The following LSM11 variants were observed in gnomAD, a reference collection of about 807,000 sequenced individuals.
The protein encoded by LSM11 is U7 snRNA-associated Sm-like protein LSm11.
A neutral mutation model predicts 28.1 loss-of-function variants in LSM11; 14 were observed. That is an observed-to-expected ratio of 0.50 (90% confidence interval 0.33 to 0.78). The LOEUF (loss-of-function observed/expected upper bound fraction) is 0.78, where lower values mean the gene tolerates loss of function less well. Ranked by LOEUF, LSM11 falls within the 30% of genes least tolerant of loss-of-function variation. The probability of loss-of-function intolerance (pLI) is 0.02; values close to 1 mark genes in which losing one functional copy is unlikely to be tolerated. For missense variants in LSM11, 495 were observed against 510.6 expected, an observed-to-expected ratio of 0.97 and a Z score of 0.30; for synonymous variants, 207 against 214.2, an observed-to-expected ratio of 0.97 and a Z score of 0.30.
At position 157,744,147 on chromosome 5, in the gene LSM11, G is replaced by GGTCC; in HGVS notation, c.399_402dup (p.Gly135SerfsTer25). 6.9e-7 allele frequency: 1 copy of GGTCC among 1,442,366 alleles called. No individual in the cohort carries two copies. The highest frequency in any genetic ancestry group is 9.1e-7 in the Non-Finnish European group (1 of 1,099,074). 89.3% of individuals were successfully genotyped at this position (1,442,366 alleles called of 1,614,324 possible). A position where few individuals can be genotyped will look rare whatever the true frequency, so the allele number is the denominator to read the frequency against. ...CGGGGCCGCAGGAGCGGGCCGGAGG[G>GGTCC]GTCCGGGTCGGAGCAGGAAGGCGCC... On this transcript the variant is annotated frameshift_variant, in exon 1 of 4. Transcript: ENST00000286307. LOFTEE classifies it high-confidence loss of function.
chr5:157,750,593 A>G (rs1211001240), intron 1 of LSM11, among the ~76,000 whole-genome samples: 1 of 152,206 alleles, frequency 6.6e-6, no homozygotes, highest in African/African-American at 2.4e-5. Context: ...GGTGGGGTCA[A>G]AGGCCTTTCT....
rs1226933084 is a variant in LSM11, at chr5:157,744,045, C to T, written c.295C>T (p.Arg99Cys). 2.8e-6 allele frequency: 4 copies of T among 1,431,282 alleles called. No homozygotes were observed. The highest frequency in any genetic ancestry group is 1.4e-5 in the South Asian group (1 of 72,636). The allele number at this position is 1,431,282 out of a possible 1,614,324, so 88.7% of individuals were successfully genotyped here. The change falls in exon 1 of 4, where the codon CGC (arginine) becomes TGC (cysteine). Residue 99 changes from arginine (R) to cysteine (C), a missense_variant. Arg to Cys is a radical substitution (Grantham distance 180). Transcript: ENST00000286307. ...APGPSGRTRRRPDAPAPDPER... is the reference protein window; with the variant it reads ...APGPSGRTRRCPDAPAPDPER... ...CGGGCCCTCGGGCAGGACTCGTCGC[C>T]GCCCGGACGCGCCCGCCCCGGACCC... is the stretch of plus-strand genomic sequence containing the variant.
At chr5:157,745,469 A>C (rs1440717940) in intron 1 of LSM11, among the ~76,000 whole-genome samples, 1 of 152,182 alleles carries the variant, frequency 6.6e-6, no homozygotes. Flanking sequence ...CTTGTTCCCA[A>C]AATGAGAGCA....
At position 157,755,011 on chromosome 5, in the gene LSM11, G is replaced by T. The variant is rs767112863; in HGVS notation, c.830G>T (p.Arg277Leu). 10 of 1,614,148 alleles carry T rather than the reference G, an allele frequency of 6.2e-6. No homozygotes were observed. Among genetic ancestry groups the T allele is most frequent in the Non-Finnish European group, 8.5e-6 (10 of 1,180,000 alleles). The change falls in exon 4 of 4, where the codon CGT becomes CTT. Residue 277 changes from arginine (R) to leucine (L), a missense_variant. Physicochemically the swap from Arg to Leu is moderately radical, Grantham distance 102 (BLOSUM62 -2). Transcript: ENST00000286307. ...RADTGRGSHKRSRSVPSSLQA... is the reference protein window; with the variant it reads ...RADTGRGSHKLSRSVPSSLQA... Reference sequence around the variant, plus strand: ...GACACTGGCCGGGGCTCACACAAGCGTTCCCGCTCTGTCCCTTCTTCCCTG... The same window carrying T: ...GACACTGGCCGGGGCTCACACAAGCTTTCCCGCTCTGTCCCTTCTTCCCTG...
chr5:157,754,144 T>G, intron 3 of LSM11, 57 bp downstream of exon 3: 1 of 1,227,362 alleles, frequency 8.1e-7, no homozygotes. Flanking sequence ...GCTTAGGAAT[T>G]AAGATCCCTG....
At position 157,751,533 on chromosome 5, in the gene LSM11, A is replaced by G; in HGVS notation, c.588+4A>G. The G allele has an allele frequency of 6.2e-7, 1 of 1,611,590 alleles. No homozygotes were observed. Among genetic ancestry groups the G allele is most frequent in the Non-Finnish European group, 8.5e-7 (1 of 1,179,036 alleles). Reference sequence around the variant, plus strand: ...ATTCGACAAGTTCTGGAATATGGTAATTAAGCCTTTCTCAAGGGGCTGGAG... The same window carrying G: ...ATTCGACAAGTTCTGGAATATGGTAGTTAAGCCTTTCTCAAGGGGCTGGAG... On this transcript the variant is annotated splice_donor_region_variant and intron_variant, in intron 2 of 3. Transcript: ENST00000286307.
intron 1 of LSM11, among the ~76,000 whole-genome samples, chr5:157,750,462 T>C (rs528528252): frequency 1.3e-5 from 2 of 152,320 alleles, no homozygotes; most frequent in African/African-American, 4.8e-5. Context: ...TTATTAGTAG[T>C]GTCATAGGAG....
In LSM11 at chr5:157,759,527, C is replaced by T. The variant is rs1761379609; in HGVS notation, c.*4263C>T. The T allele has an allele frequency of 6.6e-6, 1 of 152,160 alleles. No homozygotes were observed. Among genetic ancestry groups the T allele is most frequent in the Admixed American group, 6.5e-5 (1 of 15,276 alleles). The allele number at this position is 152,160 out of a possible 1,614,324, so 9.4% of individuals were successfully genotyped here. ...CAGCTAGCTGTCACTGGTGCTACCC[C>T]AAAGCTTTCCAATCTTTTATGTATT... On this transcript the variant is annotated 3_prime_UTR_variant, in exon 4 of 4. Coordinates refer to ENST00000286307, the MANE Select transcript of LSM11 (RefSeq NM_173491.4).
chr5:157,743,939 CA>C lies in LSM11; in HGVS notation c.190del (p.Arg64GlyfsTer104). The stretch of plus-strand genomic sequence containing the variant: ...ACGTGGCGGAGTACGAGAGCTTCCT[CA>C]GGACCGGAGTCCGGGGCGGCGGGCG... ...NNVAEYESFL[R>X]TGVRGGGRGR... On this transcript the variant is annotated frameshift_variant, in exon 1 of 4. Transcript: ENST00000286307. LOFTEE classifies it high-confidence loss of function. The C allele has an allele frequency of 6.9e-7, 1 of 1,442,466 alleles. No individual in the cohort carries two copies. 89.4% of individuals were successfully genotyped at this position (1,442,466 alleles called of 1,614,324 possible). A position where few individuals can be genotyped will look rare whatever the true frequency, so the allele number is the denominator to read the frequency against.
Position 157,755,319 on chromosome 5 carries a change from G to C in LSM11, c.*55G>C, listed in dbSNP as rs1761307160. On this transcript the variant is annotated 3_prime_UTR_variant, in exon 4 of 4. Transcript: ENST00000286307. ...AATAAAGTGCATGAATTGCTGCTAT[G>C]CTGTATCCTAGTATCCCAGTGAAAC... is the stretch of plus-strand genomic sequence containing the variant. 10 of 1,538,730 alleles carry C rather than the reference G, an allele frequency of 6.5e-6. No individual in the cohort carries two copies. The South Asian group carries it at 1.1e-4, about 17-fold the overall frequency.
chr5:157,744,222 A>G (rs1761111397), intron 1 of LSM11, 24 bp downstream of exon 1: 1 of 1,249,560 alleles, frequency 8.0e-7, no homozygotes. Flanking sequence ...CCGGGCGGGA[A>G]GCGGGGCAGC....
rs200123886 is a variant in LSM11 at position 157,743,901 on chromosome 5, C to G, written c.151C>G (p.Pro51Ala). Residue 51 changes from proline to alanine, a missense_variant, in exon 1 of 4, where the codon CCC becomes GCC. Physicochemically the swap from Pro to Ala is conservative, Grantham distance 27. Coordinates refer to ENST00000286307, the MANE Select transcript of LSM11 (RefSeq NM_173491.4). ...RLPPIPYPNA[P>A]CFNNVAEYES... ...GCCTCCCATTCCCTACCCCAATGCCCCCTGCTTCAACAACGTGGCGGAGTA... is the reference window on the plus strand; with the variant it reads ...GCCTCCCATTCCCTACCCCAATGCCGCCTGCTTCAACAACGTGGCGGAGTA... The G allele has an allele frequency of 6.5e-7, 1 of 1,526,798 alleles. No individual in the cohort carries two copies. Among genetic ancestry groups the G allele is most frequent in the Admixed American group, 2.0e-5 (1 of 50,456 alleles). The allele number at this position is 1,526,798 out of a possible 1,614,324, so 94.6% of individuals were successfully genotyped here. A position where few individuals can be genotyped will look rare whatever the true frequency, so the allele number is the denominator to read the frequency against.
At chr5:157,750,149 G>T (rs985427191) in intron 1 of LSM11, among the ~76,000 whole-genome samples, 9 of 152,202 alleles carry the variant, frequency 5.9e-5, no homozygotes, top group Admixed American at 2.0e-4. Flanking sequence ...TACTCAGTGG[G>T]TTGAGCTAGG....
Position 157,751,489 on chromosome 5 carries a change from G to C in LSM11, c.548G>C (p.Cys183Ser), listed in dbSNP as rs749816505. The C allele has an allele frequency of 6.2e-7, 1 of 1,612,888 alleles. No homozygotes were observed. Among genetic ancestry groups the C allele is most frequent in the Non-Finnish European group, 8.5e-7 (1 of 1,179,648 alleles). ...IRTFKGLRGV[C>S]TGFLVAFDKF... ...ACTTTCAAGGGACTTCGGGGCGTCT[G>C]TACAGGCTTCCTTGTTGCATTCGAC... The change falls in exon 2 of 4, where the codon TGT (cysteine) becomes TCT (serine). Residue 183 changes from cysteine to serine, a missense_variant. Transcript: ENST00000286307.
chr5:157,751,884 A>G (rs948755471), intron 2 of LSM11, among the ~76,000 whole-genome samples: 4 of 152,226 alleles, frequency 2.6e-5, no homozygotes, highest in Non-Finnish European at 4.4e-5. Context: ...TAGTCCCTCA[A>G]CAACAAAGAA....
At position 157,755,088 on chromosome 5, in the gene LSM11, C is replaced by A. The variant is rs763310569; in HGVS notation, c.907C>A (p.Arg303=). 1 of 1,614,192 alleles carries A rather than the reference C, an allele frequency of 6.2e-7. No homozygotes were observed. Reference sequence around the variant, plus strand: ...GTCAGAGCTGTCAGGGAGGACTACACGGACAGACGGCTCCAGTGTGGGAGG... The same window carrying A: ...GTCAGAGCTGTCAGGGAGGACTACAAGGACAGACGGCTCCAGTGTGGGAGG... ...SRSELSGRTT[R]TDGSSVGGTF... is the part of the protein sequence containing the mutation. The change falls in exon 4 of 4, where the codon CGG becomes AGG. Residue 303 remains arginine, a synonymous_variant. Transcript: ENST00000286307.
At chr5:157,750,039 T>C (rs1761206682) in intron 1 of LSM11, among the ~76,000 whole-genome samples, 1 of 152,212 alleles carries the variant, frequency 6.6e-6, no homozygotes, top group African/African-American at 2.4e-5. Flanking sequence ...ATAAACTTTC[T>C]ACAGAATTTT....
At position 157,760,402 on chromosome 5, in the gene LSM11, A is replaced by T. The variant is rs940130780; in HGVS notation, c.*5138A>T. Reference sequence around the variant, plus strand: ...AGTGATTTGCTTGTTTCATACTGACATCTAAAGACATCAGCCTTCTCTTTG... The same window carrying T: ...AGTGATTTGCTTGTTTCATACTGACTTCTAAAGACATCAGCCTTCTCTTTG... On this transcript the variant is annotated 3_prime_UTR_variant, in exon 4 of 4. Transcript: ENST00000286307. 2.0e-5 allele frequency: 3 copies of T among 152,242 alleles called. No individual in the cohort carries two copies. Among genetic ancestry groups the T allele is most frequent in the African/African-American group, 7.2e-5 (3 of 41,458 alleles). The allele number at this position is 152,242 out of a possible 1,614,324, so 9.4% of individuals were successfully genotyped here.
intron 2 of LSM11, among the ~76,000 whole-genome samples, chr5:157,753,447 C>T (rs1442804984): frequency 1.3e-5 from 2 of 152,140 alleles, no homozygotes; most frequent in African/African-American, 4.8e-5. Context: ...TTGGTCCTAA[C>T]AGCTGTCCTG....
Sources: gnomAD v4.1 joint callset for allele counts (sites outside exome capture counted in the v4.1 genomes callset) on GRCh38, gnomAD v4.1.1 for gene constraint, MANE v1.5 for transcripts, NCBI Gene and HGNC (gene_info 2026-07-23, HGNC 2026-07-21) for gene names.